Variants in ALK observed in about 807,000 individuals in gnomAD.
The protein encoded by ALK is ALK receptor tyrosine kinase.
In ALK, 74 loss-of-function variants were observed where a neutral mutation model predicts 163.1. The ratio of observed to expected loss-of-function variants is 0.45; its 90% CI spans 0.38 to 0.55. The LOEUF (loss-of-function observed/expected upper bound fraction) is 0.55, where lower values mean the gene tolerates loss of function less well. ALK is among the 20% of genes least tolerant of loss of function. ALK has a pLI of 0.00. For missense variants in ALK, 2,063 were observed against 2,105.3 expected (o/e 0.98, Z 0.39); for synonymous variants, 960 against 843.2 (o/e 1.14, Z -2.40).
At chr2:29,871,645 T>G (rs1666578768) in intron 1 of ALK, among the ~76,000 whole-genome samples, 1 of 152,210 alleles carries the variant, frequency 6.6e-6, no homozygotes, top group South Asian at 2.1e-4. Flanking sequence ...CATATGTGCT[T>G]AAAAAGAGCT....
At chr2:29,375,656 C>G (rs768776903) in intron 5 of ALK, among the ~76,000 whole-genome samples, 5 of 152,116 alleles carry the variant, frequency 3.3e-5, no homozygotes, top group Non-Finnish European at 7.4e-5. Flanking sequence ...CACAAAAACC[C>G]AATCTATGTT....
chr2:29,319,987 C>A (rs1363061449), intron 7 of ALK, among the ~76,000 whole-genome samples: 1 of 152,220 alleles, frequency 6.6e-6, no homozygotes, highest in African/African-American at 2.4e-5. Context: ...GGCACCAGGG[C>A]CTGCCCGGGT....
At chr2:29,381,672 C>T (rs1010018809) in intron 5 of ALK, among the ~76,000 whole-genome samples, 1 of 152,190 alleles carries the variant, frequency 6.6e-6, no homozygotes, top group African/African-American at 2.4e-5. Flanking sequence ...GTTGCCAGCC[C>T]TATTCACCTC....
chr2:29,753,748 G>A (rs1680438332), intron 1 of ALK, among the ~76,000 whole-genome samples: 1 of 152,088 alleles, frequency 6.6e-6, no homozygotes, highest in Non-Finnish European at 1.5e-5. Flanking sequence ...TTTAAACTCG[G>A]CTGAACCATA....
intron 1 of ALK, among the ~76,000 whole-genome samples, chr2:29,754,878 C>T (rs1461823746): frequency 6.6e-6 from 1 of 152,074 alleles, no homozygotes; most frequent in African/African-American, 2.4e-5. Context: ...CTTCTACATC[C>T]ATTTGACAAA....
chr2:29,197,738 CACACAGGCACACAGACAT>C, intron 26 of ALK, 62 bp from the exon 27 acceptor site: 1 of 1,298,242 alleles, frequency 7.7e-7, no homozygotes, highest in Non-Finnish European at 1.1e-6. Flanking sequence ...TTCACACACA[CACACAGGCACACAGACAT>C]ACAATTTCAA....
intron 1 of ALK, among the ~76,000 whole-genome samples, chr2:29,859,136 G>A (rs996118069): frequency 1.4e-4 from 22 of 152,312 alleles, no homozygotes; most frequent in African/African-American, 5.3e-4. Context: ...TGAGTGGGTG[G>A]GGCAGGATAA....
intron 3 of ALK, among the ~76,000 whole-genome samples, chr2:29,575,974 GCAC>G (rs1377033352): frequency 6.6e-6 from 1 of 152,152 alleles, no homozygotes; most frequent in Non-Finnish European, 1.5e-5. Flanking sequence ...AGCATACTGT[GCAC>G]CTCCTGAGCC....
chr2:29,386,263 C>A (rs1398156242), intron 4 of ALK, among the ~76,000 whole-genome samples: 1 of 152,178 alleles, frequency 6.6e-6, no homozygotes, highest in Non-Finnish European at 1.5e-5. Context: ...AGTTTCCCCA[C>A]AATAGATGCT....
intron 4 of ALK, among the ~76,000 whole-genome samples, chr2:29,506,382 C>T (rs1264747097): frequency 6.6e-6 from 1 of 152,146 alleles, no homozygotes; most frequent in Non-Finnish European, 1.5e-5. Context: ...GAATGAGACA[C>T]TCATGATCAG....
At chr2:29,215,083 C>T (rs886442948) in intron 23 of ALK, among the ~76,000 whole-genome samples, 18 of 152,200 alleles carry the variant, frequency 1.2e-4, no homozygotes, top group African/African-American at 4.1e-4. Flanking sequence ...TTTAGGGCCG[C>T]CCCAAGAAAG....
At chr2:29,428,032 G>T (rs1259748962) in intron 4 of ALK, among the ~76,000 whole-genome samples, 5 of 151,924 alleles carry the variant, frequency 3.3e-5, no homozygotes, top group Non-Finnish European at 7.4e-5. Flanking sequence ...ATAACCAGTG[G>T]GTCAAAGGAG....
chr2:29,485,954 C>T (rs1398905762), intron 4 of ALK, among the ~76,000 whole-genome samples: 2 of 152,150 alleles, frequency 1.3e-5, no homozygotes, highest in Admixed American at 6.5e-5. Context: ...TTCATCTTGG[C>T]TGGTCATCCT....
At chr2:29,252,675 C>G (rs1019849024) in intron 11 of ALK, among the ~76,000 whole-genome samples, 1 of 152,046 alleles carries the variant, frequency 6.6e-6, no homozygotes, top group East Asian at 1.9e-4. Flanking sequence ...GTCCTCAACA[C>G]TTTTCTGGGC....
intron 3 of ALK, among the ~76,000 whole-genome samples, chr2:29,580,251 T>G (rs1435982957): frequency 6.6e-6 from 1 of 152,214 alleles, no homozygotes; most frequent in East Asian, 1.9e-4. Context: ...ATTGCTCATG[T>G]CAACCCGTGA....
At chr2:29,224,563 G>A (rs1033803705) in intron 19 of ALK, 5 of 229,880 alleles carry the variant, frequency 2.2e-5, no homozygotes, top group African/African-American at 4.4e-5. Context: ...TCAGTGGGTA[G>A]ATTCTGTGTG....
intron 4 of ALK, among the ~76,000 whole-genome samples, chr2:29,484,673 T>C (rs1195973884): frequency 1.3e-5 from 2 of 152,198 alleles, no homozygotes; most frequent in Admixed American, 1.3e-4. Flanking sequence ...CCTTTAAATT[T>C]GTTTTCTTCC....
intron 4 of ALK, among the ~76,000 whole-genome samples, chr2:29,465,860 T>C: frequency 6.6e-6 from 1 of 152,256 alleles, no homozygotes; most frequent in East Asian, 1.9e-4. Flanking sequence ...TTTAAAAGAT[T>C]TGAATGCTTA....
chr2:29,626,706 C>T (rs1387236114), intron 3 of ALK, among the ~76,000 whole-genome samples: 1 of 152,194 alleles, frequency 6.6e-6, no homozygotes, highest in Non-Finnish European at 1.5e-5. Flanking sequence ...AGAGAGCCCT[C>T]ACCAGGAACC....
Sources: gnomAD v4.1 joint callset for allele counts (sites outside exome capture counted in the v4.1 genomes callset) on GRCh38, gnomAD v4.1.1 for gene constraint, MANE v1.5 for transcripts, NCBI Gene and HGNC (gene_info 2026-07-23, HGNC 2026-07-21) for gene names.